ITGB7: variants seen among roughly 807,000 people sequenced by gnomAD.
ITGB7 encodes integrin beta-7.
Under a neutral mutation model 83.4 loss-of-function variants are expected in ITGB7, and 55 were observed. The observed-to-expected ratio is 0.66, with a 90% CI of 0.53 to 0.83. The LOEUF is 0.83. Among genes scored for constraint, ITGB7 ranks in the 40% least tolerant of loss-of-function variants. ITGB7 has a pLI of 0.00. For missense variants in ITGB7, 921 were observed against 1,046.7 expected (o/e 0.88, Z 1.66); for synonymous variants, 454 against 423.6 (o/e 1.07, Z -0.88).
In ITGB7 at chr12:53,197,794, G is replaced by T; in HGVS notation, c.359C>A (p.Ala120Asp). 6.4e-7 allele frequency: 1 copy of T among 1,552,552 alleles called. No homozygotes were observed. ...PLSQGARGEG[A>D]TQLAPQRVRV... The stretch of plus-strand genomic sequence containing the variant: ...GACCCGCTGCGGCGCCAGCTGGGTG[G>T]CACCCTCTCCGCGGGCGCCCTGGCT... The change falls in exon 4 of 16, where the codon GCC becomes GAC. Residue 120 changes from alanine to aspartate, a missense_variant. By Grantham distance (126) the Ala-to-Asp change is moderately radical (BLOSUM62 -2). Coordinates refer to ENST00000267082, the MANE Select transcript of ITGB7 (RefSeq NM_000889.3).
intron 11 of ITGB7, 45 bp from the exon 12 acceptor site, chr12:53,193,408 T>TCAC: frequency 7.2e-7 from 1 of 1,389,560 alleles, no homozygotes; most frequent in Non-Finnish European, 9.7e-7. Flanking sequence ...GAGGGTTTGA[T>TCAC]CACCCCTGAC....
rs1942007379 is a variant in ITGB7 at position 53,192,809 on chromosome 12, C to A, written c.1828G>T (p.Gly610Ter). Residue 610 changes from glycine to a stop codon, truncating the protein, a stop_gained, in exon 13 of 16, where the codon GGA (glycine) becomes TGA (stop). Coordinates refer to ENST00000267082, the MANE Select transcript of ITGB7 (RefSeq NM_000889.3). LOFTEE classifies it high-confidence loss of function. ...CGTCCATGCCCACTGCAGAGCCCTC[C>A]CTCGGGACTGATGCAACTGTCCATG... Reference protein sequence around the residue: ...GDMDSCISPEGGLCSGHGRCK... With the variant: ...GDMDSCISPE 6.2e-7 allele frequency: 1 copy of A among 1,614,240 alleles called. No homozygotes were observed. Among genetic ancestry groups the A allele is most frequent in the Non-Finnish European group, 8.5e-7 (1 of 1,180,038 alleles).
intron 5 of ITGB7, 141 bp downstream of exon 5, chr12:53,197,352 G>T: frequency 1.1e-6 from 1 of 895,958 alleles, no homozygotes; most frequent in Non-Finnish European, 1.9e-6. Flanking sequence ...AGAGATGCAG[G>T]AACGAACCTG....
chr12:53,206,770 CTG>C (rs2120554330), intron 1 of ITGB7: 1 of 152,424 alleles, frequency 6.6e-6, no homozygotes, highest in African/African-American at 2.4e-5. Flanking sequence ...ACAGTGGAGT[CTG>C]TGACCAAGGT....
Position 53,196,130 on chromosome 12 carries a change from C to T in ITGB7, c.886G>A (p.Gly296Arg). 6.2e-7 allele frequency: 1 copy of T among 1,614,186 alleles called. No individual in the cohort carries two copies. Among genetic ancestry groups the T allele is most frequent in the Non-Finnish European group, 8.5e-7 (1 of 1,180,026 alleles). ...FTSDDTFHTA[G>R]DGKLGGIFMP... ...AAAATGCCGCCCAACTTCCCGTCCCCAGCTGTATGGAATGTGTCGTCTGAA... is the reference window on the plus strand; with the variant it reads ...AAAATGCCGCCCAACTTCCCGTCCCTAGCTGTATGGAATGTGTCGTCTGAA... The change falls in exon 7 of 16, where the codon GGG becomes AGG. Residue 296 changes from glycine to arginine, a missense_variant. Gly to Arg is a moderately radical substitution (Grantham distance 125). Coordinates refer to ENST00000267082, the MANE Select transcript of ITGB7 (RefSeq NM_000889.3).
Position 53,196,929 on chromosome 12 carries a change from G to A in ITGB7, c.575-109C>T. The A allele has an allele frequency of 3.1e-6, 4 of 1,307,588 alleles. No individual in the cohort carries two copies. The South Asian group carries it at 5.7e-5, about 19-fold the overall frequency. The allele number at this position is 1,307,588 out of a possible 1,614,324, so 81.0% of individuals were successfully genotyped here. A position where few individuals can be genotyped will look rare whatever the true frequency, so the allele number is the denominator to read the frequency against. ...GGTGGGGAGGACGGTGATGGGAGAG[G>A]GTGCACCTAGGGGGCAGGGACCTGG... On this transcript the variant is annotated intron_variant, in intron 5 of 15. Transcript: ENST00000267082.
intron 3 of ITGB7, 134 bp downstream of exon 3, chr12:53,200,108 CA>C (rs1195936633): frequency 4.0e-6 from 3 of 752,844 alleles, no homozygotes; most frequent in Non-Finnish European, 6.6e-6. Flanking sequence ...AACTCAGTCA[CA>C]CATGAGACTG....
At chr12:53,206,017 A>C (rs1942435813) in intron 1 of ITGB7, among the ~76,000 whole-genome samples, 2 of 152,102 alleles carry the variant, frequency 1.3e-5, no homozygotes, top group Admixed American at 1.3e-4. Flanking sequence ...TCACAAGTGG[A>C]GCCCCGGCTG....
chr12:53,191,843 C>T lies in ITGB7; in HGVS notation c.2316+16G>A. On this transcript the variant is annotated intron_variant, in intron 15 of 15. Transcript: ENST00000267082. ...GGGAACAGCTAAAAAGGGGCCTAAC[C>T]AGGAAGTCTCCTCACCTGCTTCCAG... The T allele has an allele frequency of 6.2e-7, 1 of 1,613,372 alleles. No homozygotes were observed. Among genetic ancestry groups the T allele is most frequent in the East Asian group, 2.2e-5 (1 of 44,874 alleles).
intron 10 of ITGB7, 140 bp from the exon 11 acceptor site, chr12:53,194,041 G>T: frequency 7.5e-7 from 1 of 1,325,018 alleles, no homozygotes. Context: ...AAACATGCCT[G>T]AGGAAGCCAC....
Position 53,191,361 on chromosome 12 carries a change from C to A in ITGB7, c.*195G>T. ...TTTATTGTATACTTGGGTGGGGTAG[C>A]CCAGATGGATGCAAGGTTGCAGGCA... On this transcript the variant is annotated 3_prime_UTR_variant, in exon 16 of 16. Coordinates refer to ENST00000267082, the MANE Select transcript of ITGB7 (RefSeq NM_000889.3). The A allele has an allele frequency of 1.6e-6, 1 of 606,820 alleles. No individual in the cohort carries two copies. The highest frequency in any genetic ancestry group is 3.0e-6 in the Non-Finnish European group (1 of 336,832). 37.6% of individuals were successfully genotyped at this position (606,820 alleles called of 1,614,324 possible).
intron 1 of ITGB7, among the ~76,000 whole-genome samples, chr12:53,201,635 A>G (rs986163082): frequency 1.4e-5 from 2 of 146,294 alleles, no homozygotes; most frequent in African/African-American, 5.4e-5. Flanking sequence ...GTTAAATCCC[A>G]TTGGCCCTTT....
chr12:53,194,529 A>G (rs1942089314), intron 9 of ITGB7, 185 bp from the exon 10 acceptor site: 1 of 583,580 alleles, frequency 1.7e-6, no homozygotes, highest in Admixed American at 3.0e-5. Flanking sequence ...CATAGAACAT[A>G]CAGGATCCAG....
intron 1 of ITGB7, among the ~76,000 whole-genome samples, chr12:53,204,518 A>G (rs1448753905): frequency 6.6e-6 from 1 of 152,194 alleles, no homozygotes; most frequent in Non-Finnish European, 1.5e-5. Flanking sequence ...TCCAAACTAG[A>G]AAAATCCACA....
intron 9 of ITGB7, chr12:53,194,918 T>C (rs1318446853): frequency 5.8e-6 from 1 of 173,580 alleles, no homozygotes; most frequent in African/African-American, 2.4e-5. Flanking sequence ...GATCTCACAT[T>C]GTTTATGTAC....
Position 53,196,004 on chromosome 12 carries a change from T to C in ITGB7, c.975+37A>G, listed in dbSNP as rs368095551. ...AGTCCTGGAAGGAAAGAGGTGTGGC[T>C]GAAATGGGGAGAGGCAGGGTGACAA... On this transcript the variant is annotated intron_variant, in intron 7 of 15. Transcript: ENST00000267082. 4.4e-6 allele frequency: 7 copies of C among 1,606,750 alleles called. No homozygotes were observed. The African/African-American group carries it at 9.4e-5, about 21-fold the overall frequency.
rs1220463141 is a variant in ITGB7 at position 53,192,589 on chromosome 12, C to T, written c.1947-51G>A. On this transcript the variant is annotated intron_variant, in intron 13 of 15. Transcript: ENST00000267082. ...CCAGCTGGGCAGTTGTCACCCAATG[C>T]CCCTTGCCCAACTACAAGCAGGACG... is the stretch of plus-strand genomic sequence containing the variant. The T allele has an allele frequency of 1.9e-6, 3 of 1,598,270 alleles. No individual in the cohort carries two copies. The South Asian group carries it at 3.3e-5, about 18-fold the overall frequency.
chr12:53,192,552 G>A lies in ITGB7; in HGVS notation c.1947-14C>T. 1 of 1,612,592 alleles carries A rather than the reference G, an allele frequency of 6.2e-7. No individual in the cohort carries two copies. The highest frequency in any genetic ancestry group is 1.3e-5 in the African/African-American group (1 of 75,050). On this transcript the variant is annotated splice_polypyrimidine_tract_variant and intron_variant, in intron 13 of 15. Transcript: ENST00000267082. Reference sequence around the variant, plus strand: ...TCTGCACAGTCCCTGTGTAGTAGATGCCAATAGGTTACCAGCTGGGCAGTT... The same window carrying A: ...TCTGCACAGTCCCTGTGTAGTAGATACCAATAGGTTACCAGCTGGGCAGTT...
chr12:53,192,172 T>C, intron 14 of ITGB7, 153 bp from the exon 15 acceptor site: 1 of 1,198,716 alleles, frequency 8.3e-7, no homozygotes, highest in Non-Finnish European at 1.2e-6. Flanking sequence ...GCCCAGGGCC[T>C]TAGCCTCGTC....
Sources: gnomAD v4.1 joint callset for allele counts (sites outside exome capture counted in the v4.1 genomes callset) on GRCh38, gnomAD v4.1.1 for gene constraint, MANE v1.5 for transcripts, NCBI Gene and HGNC (gene_info 2026-07-23, HGNC 2026-07-21) for gene names.